The following ZFHX3 variants were observed in gnomAD, a reference collection of about 807,000 sequenced individuals.
The protein encoded by ZFHX3 is zinc finger homeobox 3.
ZFHX3 carries 42 observed loss-of-function variants against 279.1 expected under a neutral mutation model. That is an observed-to-expected ratio of 0.15 (90% CI 0.12 to 0.19). ZFHX3 has a LOEUF of 0.19. ZFHX3 is among the 10% of genes least tolerant of loss of function. The pLI, the probability that ZFHX3 is intolerant of heterozygous loss-of-function variation, is 1.00. For synonymous variants in ZFHX3, 2,293 were observed against 1,957.8 expected (o/e 1.17, Z -4.52); for missense variants, 4,981 against 4,754.0 (o/e 1.05, Z -1.40).
chr16:73,537,658 CT>C (rs1347145841), intron 2 of ZFHX3, among the ~76,000 whole-genome samples: 1 of 152,162 alleles, frequency 6.6e-6, no homozygotes, highest in Non-Finnish European at 1.5e-5. Flanking sequence ...TACAATTGTG[CT>C]TAATGGGAAG....
chr16:73,164,427 T>C (rs937637448), intron 5 of ZFHX3, among the ~76,000 whole-genome samples: 1 of 152,158 alleles, frequency 6.6e-6, no homozygotes, highest in East Asian at 1.9e-4. Context: ...GGGCCGGGCA[T>C]GGTGGCTCAC....
intron 5 of ZFHX3, among the ~76,000 whole-genome samples, chr16:73,220,667 G>A (rs758322918): frequency 3.0e-4 from 46 of 152,110 alleles, no homozygotes; most frequent in Non-Finnish European, 5.7e-4. Context: ...TGGTGAAGGG[G>A]GCTAGTGGGA....
At chr16:73,252,860 G>A (rs1413033725) in intron 5 of ZFHX3, among the ~76,000 whole-genome samples, 1 of 151,432 alleles carries the variant, frequency 6.6e-6, no homozygotes, top group Admixed American at 6.6e-5. Context: ...GAGAGAGAAA[G>A]GAACAACCAA....
intron 5 of ZFHX3, among the ~76,000 whole-genome samples, chr16:73,153,996 G>A (rs1473088751): frequency 1.3e-5 from 2 of 152,092 alleles, no homozygotes; most frequent in Admixed American, 6.5e-5. Flanking sequence ...GAGCCACGGC[G>A]CCTGGCCTCA....
At chr16:73,655,157 G>A (rs998130095) in intron 2 of ZFHX3, among the ~76,000 whole-genome samples, 5 of 152,146 alleles carry the variant, frequency 3.3e-5, no homozygotes, top group African/African-American at 1.2e-4. Context: ...CACCACACCC[G>A]GCCGTAATCA....
chr16:72,802,766 T>C (rs1420622056), intron 7 of ZFHX3, among the ~76,000 whole-genome samples: 9 of 152,174 alleles, frequency 5.9e-5, no homozygotes, highest in South Asian at 4.1e-4. Context: ...AACGTTCCCT[T>C]TGCCCATTCT....
intron 4 of ZFHX3, among the ~76,000 whole-genome samples, chr16:72,886,155 C>T (rs533909838): frequency 2.0e-5 from 3 of 152,252 alleles, no homozygotes; most frequent in East Asian, 1.9e-4. Context: ...GTTCCTAAAA[C>T]GGAACCAAGT....
intron 3 of ZFHX3, 82 bp downstream of exon 3, chr16:72,950,387 C>T: frequency 1.3e-6 from 2 of 1,555,150 alleles, no homozygotes; most frequent in Non-Finnish European, 1.7e-6. Flanking sequence ...TGTCCGACTC[C>T]TCCCCAGTGC....
At chr16:73,748,295 AG>A (rs2053722425) in intron 1 of ZFHX3, among the ~76,000 whole-genome samples, 1 of 152,094 alleles carries the variant, frequency 6.6e-6, no homozygotes. Context: ...AAAGAAAAAC[AG>A]GTCTCTGCTT....
At chr16:73,329,485 C>T (rs980549966) in intron 3 of ZFHX3, among the ~76,000 whole-genome samples, 1 of 152,252 alleles carries the variant, frequency 6.6e-6, no homozygotes. Flanking sequence ...GGAGCCAGAT[C>T]CTCATTGGCA....
intron 8 of ZFHX3, among the ~76,000 whole-genome samples, chr16:73,084,728 G>A (rs544031308): frequency 7.2e-5 from 11 of 152,022 alleles, no homozygotes; most frequent in African/African-American, 2.7e-4. Context: ...CACCGTGTTA[G>A]CCAGGATGGT....
At chr16:72,949,989 T>C (rs1461694896) in intron 3 of ZFHX3, among the ~76,000 whole-genome samples, 1 of 133,824 alleles carries the variant, frequency 7.5e-6, no homozygotes, top group Non-Finnish European at 1.5e-5. Context: ...ATTGAGAAGG[T>C]ACCCAGTGTA....
At chr16:73,577,522 G>A (rs994810531) in intron 2 of ZFHX3, among the ~76,000 whole-genome samples, 1 of 152,080 alleles carries the variant, frequency 6.6e-6, no homozygotes, top group Non-Finnish European at 1.5e-5. Context: ...AACTGAGCAG[G>A]CTGTTTCTTA....
chr16:73,831,517 G>A (rs967376664), intron 1 of ZFHX3, among the ~76,000 whole-genome samples: 12 of 152,204 alleles, frequency 7.9e-5, no homozygotes, highest in African/African-American at 2.2e-4. Context: ...TCATCTACAC[G>A]ACGCCTATTA....
chr16:73,224,971 C>T (rs961314016), intron 5 of ZFHX3, among the ~76,000 whole-genome samples: 2 of 152,092 alleles, frequency 1.3e-5, no homozygotes, highest in African/African-American at 4.8e-5. Context: ...TGATTTTGCC[C>T]TATTTCTGTG....
chr16:73,647,605 A>C (rs987767107), intron 2 of ZFHX3, among the ~76,000 whole-genome samples: 8 of 152,176 alleles, frequency 5.3e-5, no homozygotes, highest in Non-Finnish European at 8.8e-5. Flanking sequence ...TTTCCTTCAT[A>C]AATTACCCAG....
chr16:72,895,303 A>G (rs769290322), intron 3 of ZFHX3, among the ~76,000 whole-genome samples: 2 of 152,200 alleles, frequency 1.3e-5, no homozygotes, highest in Non-Finnish European at 2.9e-5. Flanking sequence ...GAATACTATA[A>G]AACACAGGGG....
intron 1 of ZFHX3, among the ~76,000 whole-genome samples, chr16:73,031,604 A>G (rs1042061621): frequency 6.6e-5 from 10 of 152,206 alleles, no homozygotes; most frequent in African/African-American, 2.4e-4. Flanking sequence ...CCAGACAAAA[A>G]CAATAACTCA....
At chr16:73,379,678 A>T (rs2016787171) in intron 3 of ZFHX3, among the ~76,000 whole-genome samples, 1 of 152,226 alleles carries the variant, frequency 6.6e-6, no homozygotes, top group South Asian at 2.1e-4. Flanking sequence ...CTTGGCATGA[A>T]GCAAGAGGTT....
Sources: gnomAD v4.1 joint callset for allele counts (sites outside exome capture counted in the v4.1 genomes callset) on GRCh38, gnomAD v4.1.1 for gene constraint, MANE v1.5 for transcripts, NCBI Gene and HGNC (gene_info 2026-07-23, HGNC 2026-07-21) for gene names.